Variants in AGAP1 observed in about 807,000 individuals in gnomAD.
AGAP1 encodes the protein arf-GAP with GTPase, ANK repeat and PH domain-containing protein 1.
In AGAP1, 29 loss-of-function variants were observed where a neutral mutation model predicts 105.3. The ratio of observed to expected loss-of-function variants is 0.28; its 90% CI spans 0.21 to 0.38. AGAP1 has a LOEUF of 0.38. AGAP1 is among the 10% of genes least tolerant of loss of function. The pLI is 1.00. For synonymous variants in AGAP1, 509 were observed against 485.9 expected (o/e 1.05, Z -0.63); for missense variants, 998 against 1,165.1 (o/e 0.86, Z 2.09).
At chr2:235,579,525 C>G (rs962562012) in intron 1 of AGAP1, among the ~76,000 whole-genome samples, 2 of 152,232 alleles carry the variant, frequency 1.3e-5, no homozygotes, top group African/African-American at 4.8e-5. Context: ...CCTGTAATCC[C>G]AGCACTTTGG....
In AGAP1 at chr2:235,877,514, G is replaced by A. The variant is rs543622434; in HGVS notation, c.1051-5831G>A. 7.2e-5 allele frequency among the ~76,000 whole-genome samples: 11 copies of A among 151,934 alleles called. No individual in the cohort carries two copies. Among genetic ancestry groups the A allele is most frequent in the African/African-American group, 1.2e-4 (5 of 41,342 alleles). The stretch of plus-strand genomic sequence containing the variant: ...AGAAATCGTTTCGTGTACAGCATGC[G>A]GTGCCTTCCCCGGGGGTTAACTTGT... On this transcript the variant is annotated intron_variant, in intron 9 of 17. Coordinates refer to ENST00000304032, the MANE Select transcript of AGAP1 (RefSeq NM_001037131.3). This position sits in a 1 kb window ranked among gnomAD's most constrained non-coding sequence, Gnocchi z 4.3.
rs1044227507 is a variant in AGAP1, at chr2:235,559,914, A to G, written c.163+65065A>G. ...ACACTTATTAGATATATGATTTGCAAATATATTCTTTTTTTCTGTGGTTTG... is the reference window on the plus strand; with the variant it reads ...ACACTTATTAGATATATGATTTGCAGATATATTCTTTTTTTCTGTGGTTTG... On this transcript the variant is annotated intron_variant, in intron 1 of 17. Transcript: ENST00000304032. This position sits in a 1 kb window ranked among gnomAD's most constrained non-coding sequence, Gnocchi z 5.7. Among the ~76,000 whole-genome samples the G allele has an allele frequency of 2.6e-5, 4 of 151,994 alleles. No individual in the cohort carries two copies. Among genetic ancestry groups the G allele is most frequent in the African/African-American group, 9.7e-5 (4 of 41,394 alleles).
chr2:235,906,186 G>A lies in AGAP1; in HGVS notation c.1156-2552G>A, dbSNP rs1235539398. ...GCCAGTCACCAGCCTCGGGTGGCCG[G>A]GCACCTCTGCTCCCGGCCTCTGGGC... is the stretch of plus-strand genomic sequence containing the variant. On this transcript the variant is annotated intron_variant, in intron 10 of 17. Coordinates refer to ENST00000304032, the MANE Select transcript of AGAP1 (RefSeq NM_001037131.3). The surrounding 1 kb of genome is among the most constrained non-coding windows in gnomAD (Gnocchi z 5.3). Among the ~76,000 whole-genome samples the A allele has an allele frequency of 1.3e-5, 2 of 152,140 alleles. No individual in the cohort carries two copies. Among genetic ancestry groups the A allele is most frequent in the Non-Finnish European group, 2.9e-5 (2 of 68,026 alleles).
rs560406466 is a variant in AGAP1, at chr2:236,082,245, G to A, written c.2114+32964G>A. ...AATTCAATTGGCTTCTGATCTCATC[G>A]CTGGAAGTTATAGATGCAGATATTA... On this transcript the variant is annotated intron_variant, in intron 16 of 17. Transcript: ENST00000304032. This position sits in a 1 kb window ranked among gnomAD's most constrained non-coding sequence, Gnocchi z 4.2. Among the ~76,000 whole-genome samples the A allele has an allele frequency of 3.9e-5, 6 of 152,182 alleles. No homozygotes were observed. The highest frequency in any genetic ancestry group is 7.2e-5 in the African/African-American group (3 of 41,448).
Position 236,014,704 on chromosome 2 carries a change from G to A in AGAP1, c.1646-21857G>A, listed in dbSNP as rs1362743605. 1.9e-5 allele frequency: 7 copies of A among 363,008 alleles called. No homozygotes were observed. The highest frequency in any genetic ancestry group is 3.4e-5 in the Non-Finnish European group (6 of 179,022). 22.5% of individuals were successfully genotyped at this position (363,008 alleles called of 1,614,324 possible). A position where few individuals can be genotyped will look rare whatever the true frequency, so the allele number is the denominator to read the frequency against. On this transcript the variant is annotated intron_variant, in intron 13 of 17. Transcript: ENST00000304032. The surrounding 1 kb of genome is among the most constrained non-coding windows in gnomAD (Gnocchi z 6.3). ...GCAGACAGCTCGGAGGCAACGTCAC[G>A]TGCTACTTTGACCTTTTTTTTTCTC... is the stretch of plus-strand genomic sequence containing the variant.
chr2:235,572,646 C>T (rs994046682), intron 1 of AGAP1, among the ~76,000 whole-genome samples: 11 of 152,340 alleles, frequency 7.2e-5, no homozygotes, highest in Admixed American at 5.9e-4. Context: ...AATCTCACCT[C>T]TCCAGAAAAT....
At chr2:236,065,458 T>C (rs1252546675) in intron 16 of AGAP1, among the ~76,000 whole-genome samples, 2 of 152,244 alleles carry the variant, frequency 1.3e-5, no homozygotes, top group Non-Finnish European at 2.9e-5. Context: ...CTAAATGTTC[T>C]GTTCGCAGGC....
chr2:235,997,925 G>T (rs994372619), intron 13 of AGAP1, among the ~76,000 whole-genome samples: 1 of 152,086 alleles, frequency 6.6e-6, no homozygotes, highest in Admixed American at 6.6e-5. Flanking sequence ...CTCGGAGGCT[G>T]GTGTTACACA....
At chr2:235,589,207 T>TTG (rs1945244716) in intron 1 of AGAP1, among the ~76,000 whole-genome samples, 9 of 115,088 alleles carry the variant, frequency 7.8e-5, no homozygotes, top group Non-Finnish European at 1.1e-4. Flanking sequence ...TTTTTTTTTT[T>TTG]TTTTTTTTTT....
rs1320338251 is a variant in AGAP1 at position 235,957,538 on chromosome 2, G to T, written c.1484-10924G>T. Among the ~76,000 whole-genome samples, 2 of 152,218 alleles carry T rather than the reference G, an allele frequency of 1.3e-5. No homozygotes were observed. Among genetic ancestry groups the T allele is most frequent in the African/African-American group, 2.4e-5 (1 of 41,458 alleles). ...AATGCCAGTCTCTGAAACATCTTCA[G>T]AGATGGGGAATTCAAGTCAACCTCC... On this transcript the variant is annotated intron_variant, in intron 12 of 17. Transcript: ENST00000304032. The surrounding 1 kb of genome is among the most constrained non-coding windows in gnomAD (Gnocchi z 4.6).
intron 6 of AGAP1, among the ~76,000 whole-genome samples, chr2:235,757,606 C>A (rs960963678): frequency 4.6e-5 from 7 of 152,200 alleles, no homozygotes; most frequent in African/African-American, 1.7e-4. Context: ...AGAAGCCATT[C>A]CATTTGTCTT....
chr2:236,082,486 C>A lies in AGAP1; in HGVS notation c.2114+33205C>A, dbSNP rs1013402897. On this transcript the variant is annotated intron_variant, in intron 16 of 17. Transcript: ENST00000304032. This position sits in a 1 kb window ranked among gnomAD's most constrained non-coding sequence, Gnocchi z 4.2. ...GGGAGGGAGAGCTTTTCCTAAGCATCGATCCCCTCCAGAAAGGAAGATGGT... is the reference window on the plus strand; with the variant it reads ...GGGAGGGAGAGCTTTTCCTAAGCATAGATCCCCTCCAGAAAGGAAGATGGT... Among the ~76,000 whole-genome samples the A allele has an allele frequency of 6.6e-6, 1 of 152,170 alleles. No individual in the cohort carries two copies. Among genetic ancestry groups the A allele is most frequent in the East Asian group, 1.9e-4 (1 of 5,178 alleles).
chr2:235,799,313 G>A lies in AGAP1; in HGVS notation c.802-54G>A, dbSNP rs1267723101. 1.9e-6 allele frequency: 3 copies of A among 1,585,652 alleles called. No individual in the cohort carries two copies. The highest frequency in any genetic ancestry group is 2.7e-5 in the African/African-American group (2 of 74,632). ...TGGTTATGACCTTGCCTAAGTGGAG[G>A]TCTTGGGTTCCTGAGTATGTCGTTA... On this transcript the variant is annotated intron_variant, in intron 7 of 17. Transcript: ENST00000304032. This position sits in a 1 kb window ranked among gnomAD's most constrained non-coding sequence, Gnocchi z 5.0.
intron 6 of AGAP1, among the ~76,000 whole-genome samples, chr2:235,795,246 T>C (rs183291167): frequency 3.8e-4 from 58 of 152,248 alleles, no homozygotes; most frequent in African/African-American, 1.3e-3. Flanking sequence ...GTCATACTAG[T>C]TTTTTGCTTC....
intron 9 of AGAP1, among the ~76,000 whole-genome samples, chr2:235,880,308 G>A (rs12618620): frequency 0.96 from 145,987 of 152,070 alleles, 70,125 homozygotes; most frequent in East Asian, 1. Flanking sequence ...ATCCATCCGC[G>A]TGGAGCCCCG....
At chr2:235,679,000 CCA>C (rs2149390263) in intron 1 of AGAP1, among the ~76,000 whole-genome samples, 1 of 152,314 alleles carries the variant, frequency 6.6e-6, no homozygotes, top group Non-Finnish European at 1.5e-5. Flanking sequence ...CTGTGCACAG[CCA>C]GCCTTGACTC....
intron 1 of AGAP1, among the ~76,000 whole-genome samples, chr2:235,543,030 G>A (rs2149098615): frequency 6.6e-6 from 1 of 151,180 alleles, no homozygotes; most frequent in East Asian, 2.0e-4. Context: ...TGTTTGTCGA[G>A]TTGAGCCGGG....
chr2:235,872,667 C>T lies in AGAP1; in HGVS notation c.1051-10678C>T, dbSNP rs1575662808. Among the ~76,000 whole-genome samples, 1 of 152,126 alleles carries T rather than the reference C, an allele frequency of 6.6e-6. No individual in the cohort carries two copies. The highest frequency in any genetic ancestry group is 2.4e-5 in the African/African-American group (1 of 41,436). ...CCTTAGAGTAGGAAGTGTGAAAGTTCGGACTGATTGAACATAGAGGAGGCT... is the reference window on the plus strand; with the variant it reads ...CCTTAGAGTAGGAAGTGTGAAAGTTTGGACTGATTGAACATAGAGGAGGCT... On this transcript the variant is annotated intron_variant, in intron 9 of 17. Transcript: ENST00000304032. This position sits in a 1 kb window ranked among gnomAD's most constrained non-coding sequence, Gnocchi z 4.5.
rs79933984 is a variant in AGAP1 at position 235,710,348 on chromosome 2, T to C, written c.222+1111T>C. 3.2e-3 allele frequency among the ~76,000 whole-genome samples: 488 copies of C among 152,332 alleles called. 5 individuals carry two copies. The highest frequency in any genetic ancestry group is 0.011 in the African/African-American group (449 of 41,568). ...CAGGAAAAGTATTTGTTTTTAAACT[T>C]AGGAAATGAAGTACAATGAGTGGGA... On this transcript the variant is annotated intron_variant, in intron 2 of 17. Coordinates refer to ENST00000304032, the MANE Select transcript of AGAP1 (RefSeq NM_001037131.3).
Sources: allele counts gnomAD v4.1 joint callset (sites outside exome capture counted in the v4.1 genomes callset), GRCh38; gene constraint gnomAD v4.1.1; non-coding constraint Gnocchi (gnomAD v3.1); transcripts MANE v1.5; gene names NCBI Gene and HGNC (gene_info 2026-07-23, HGNC 2026-07-21).